Variants in SARDH observed in about 807,000 individuals in gnomAD.
SARDH encodes the protein sarcosine dehydrogenase, also known as sarcosine dehydrogenase, mitochondrial.
SARDH carries 95 observed loss-of-function variants against 109.1 expected under a neutral mutation model. The observed-to-expected ratio is 0.87, with a 90% CI of 0.74 to 1.03. The LOEUF (loss-of-function observed/expected upper bound fraction) is 1.03, where lower values mean the gene tolerates loss of function less well. Among genes scored for constraint, SARDH ranks in the 50% least tolerant of loss-of-function variants. The pLI is 0.00. For missense variants in SARDH, 1,267 were observed against 1,287.8 expected (o/e 0.98, Z 0.25); for synonymous variants, 572 against 534.8 (o/e 1.07, Z -0.96).
At chr9:133,717,223 GT>G in intron 8 of SARDH, 102 bp downstream of exon 8, 1 of 1,447,762 alleles carries the variant, frequency 6.9e-7, no homozygotes, top group Non-Finnish European at 9.5e-7. Flanking sequence ...ACAGCCCTGG[GT>G]CCCCTGTGTG....
chr9:133,718,397 C>A lies in SARDH; in HGVS notation c.1020+541G>T. The A allele has an allele frequency of 2.5e-6, 1 of 405,932 alleles. No homozygotes were observed. The highest frequency in any genetic ancestry group is 4.4e-6 in the Non-Finnish European group (1 of 225,200). The allele number at this position is 405,932 out of a possible 1,614,324, so 25.1% of individuals were successfully genotyped here. On this transcript the variant is annotated intron_variant, in intron 7 of 20. Transcript: ENST00000439388. The surrounding 1 kb of genome is among the most constrained non-coding windows in gnomAD (Gnocchi z 4.2). Reference sequence around the variant, plus strand: ...ATTTGTTTGTTTATTGTATGTCTCTCCACCAAAATATAGGCACCCAGAGTC... The same window carrying A: ...ATTTGTTTGTTTATTGTATGTCTCTACACCAAAATATAGGCACCCAGAGTC...
At chr9:133,735,498 G>A (rs1012952357) in intron 1 of SARDH, among the ~76,000 whole-genome samples, 18 of 152,222 alleles carry the variant, frequency 1.2e-4, no homozygotes, top group African/African-American at 4.1e-4. Context: ...GGGTGCAGGC[G>A]AGGCAGGACA....
chr9:133,680,384 G>A (rs545917110), intron 17 of SARDH, among the ~76,000 whole-genome samples: 17 of 152,364 alleles, frequency 1.1e-4, no homozygotes, highest in African/African-American at 4.1e-4. Context: ...CCCCTACAGG[G>A]GGAGCTGGCC....
chr9:133,680,095 T>C (rs529836690), intron 17 of SARDH, among the ~76,000 whole-genome samples: 1 of 152,336 alleles, frequency 6.6e-6, no homozygotes, highest in East Asian at 1.9e-4. Flanking sequence ...AAGATATTAT[T>C]TAGGAGAATA....
chr9:133,697,597 G>C (rs989000698), intron 13 of SARDH, among the ~76,000 whole-genome samples: 6 of 152,194 alleles, frequency 3.9e-5, no homozygotes, highest in African/African-American at 1.4e-4. Context: ...TTTATCCCAG[G>C]AATATGAGGT....
chr9:133,670,206 G>A (rs552777164), intron 19 of SARDH, among the ~76,000 whole-genome samples: 11 of 152,156 alleles, frequency 7.2e-5, no homozygotes, highest in Admixed American at 2.0e-4. Flanking sequence ...GTGCACGCCT[G>A]TAATCCCAGC....
rs926270303 is a variant in SARDH, at chr9:133,693,861, G to T, written c.1921+397C>A. 6.6e-6 allele frequency among the ~76,000 whole-genome samples: 1 copy of T among 152,240 alleles called. No homozygotes were observed. The highest frequency in any genetic ancestry group is 1.5e-5 in the Non-Finnish European group (1 of 68,036). On this transcript the variant is annotated intron_variant, in intron 15 of 20. Transcript: ENST00000439388. The surrounding 1 kb of genome is among the most constrained non-coding windows in gnomAD (Gnocchi z 5.6). ...GGGCCTATCCAAGCTCCAGACTAGAGGGTCACACGGGCCTGAGAAGTCAAC... is the reference window on the plus strand; with the variant it reads ...GGGCCTATCCAAGCTCCAGACTAGATGGTCACACGGGCCTGAGAAGTCAAC...
At position 133,692,544 on chromosome 9, in the gene SARDH, A is replaced by T. The variant is rs1418089669; in HGVS notation, c.1921+1714T>A. On this transcript the variant is annotated intron_variant, in intron 15 of 20. Transcript: ENST00000439388. The surrounding 1 kb of genome is among the most constrained non-coding windows in gnomAD (Gnocchi z 5.0). ...CTCAGGCCGGCCCTCTCCTCCAGGAAGCCTTGCTCATCCCGGCTCGGCGGC... is the reference window on the plus strand; with the variant it reads ...CTCAGGCCGGCCCTCTCCTCCAGGATGCCTTGCTCATCCCGGCTCGGCGGC... Among the ~76,000 whole-genome samples the T allele has an allele frequency of 1.3e-5, 2 of 152,274 alleles. No individual in the cohort carries two copies. Among genetic ancestry groups the T allele is most frequent in the East Asian group, 3.9e-4 (2 of 5,178 alleles).
chr9:133,691,654 T>A (rs1052888989), intron 15 of SARDH, among the ~76,000 whole-genome samples: 1 of 152,238 alleles, frequency 6.6e-6, no homozygotes, highest in African/African-American at 2.4e-5. Context: ...AGCTGCTTTG[T>A]ATGCCACCTT....
intron 1 of SARDH, among the ~76,000 whole-genome samples, chr9:133,735,831 G>C (rs1331557345): frequency 6.6e-6 from 1 of 152,164 alleles, no homozygotes; most frequent in Non-Finnish European, 1.5e-5. Context: ...ATCACCTGAG[G>C]TCAGGAGTTT....
rs1831289638 is a variant in SARDH, at chr9:133,696,372, C to T, written c.1669-11G>A. ...GCACTCCTTCTTGATCTGAAAAGTTCCAGACAGGTGGGAATGCCACGGGGG... is the reference window on the plus strand; with the variant it reads ...GCACTCCTTCTTGATCTGAAAAGTTTCAGACAGGTGGGAATGCCACGGGGG... On this transcript the variant is annotated splice_polypyrimidine_tract_variant and intron_variant, in intron 13 of 20. Transcript: ENST00000439388. 3 of 1,613,838 alleles carry T rather than the reference C, an allele frequency of 1.9e-6. No homozygotes were observed. Among genetic ancestry groups the T allele is most frequent in the Non-Finnish European group, 2.5e-6 (3 of 1,180,026 alleles).
At chr9:133,720,550 G>A (rs1185022477) in intron 6 of SARDH, among the ~76,000 whole-genome samples, 1 of 152,256 alleles carries the variant, frequency 6.6e-6, no homozygotes, top group African/African-American at 2.4e-5. Flanking sequence ...CAGGAAAGAG[G>A]TTTAATGGAC....
chr9:133,679,586 G>A (rs950857085), intron 17 of SARDH, among the ~76,000 whole-genome samples: 10 of 152,326 alleles, frequency 6.6e-5, no homozygotes, highest in East Asian at 5.8e-4. Flanking sequence ...TGGGAGACAC[G>A]CCGGGAGAGC....
At chr9:133,661,018 C>A (rs936076725), downstream of SARDH, among the ~76,000 whole-genome samples, 3 of 152,038 alleles carry the variant, frequency 2.0e-5, no homozygotes, top group African/African-American at 7.2e-5. Context: ...GCCTGGGCAA[C>A]ATAGTGAAAT....
At position 133,692,719 on chromosome 9, in the gene SARDH, C is replaced by A. The variant is rs1360534189; in HGVS notation, c.1921+1539G>T. 6.6e-6 allele frequency among the ~76,000 whole-genome samples: 1 copy of A among 152,192 alleles called. No homozygotes were observed. Among genetic ancestry groups the A allele is most frequent in the South Asian group, 2.1e-4 (1 of 4,832 alleles). On this transcript the variant is annotated intron_variant, in intron 15 of 20. Coordinates refer to ENST00000439388, the MANE Select transcript of SARDH (RefSeq NM_001134707.2). The surrounding 1 kb of genome is among the most constrained non-coding windows in gnomAD (Gnocchi z 5.0). ...CCGGCCTCCTTCACCTCCTCCCGACCCTGGCTACCTGGTGCTTCCACACAG... is the reference window on the plus strand; with the variant it reads ...CCGGCCTCCTTCACCTCCTCCCGACACTGGCTACCTGGTGCTTCCACACAG...
chr9:133,684,997 C>T (rs922111256), intron 17 of SARDH, among the ~76,000 whole-genome samples, 196 bp downstream of exon 17: 3 of 152,220 alleles, frequency 2.0e-5, no homozygotes, highest in Non-Finnish European at 4.4e-5. Context: ...TGACTTTGAT[C>T]CACATGACCT....
intron 6 of SARDH, among the ~76,000 whole-genome samples, chr9:133,719,474 G>A (rs575820574): frequency 1.3e-5 from 2 of 152,272 alleles, no homozygotes; most frequent in South Asian, 4.1e-4. Flanking sequence ...ACTGAGCAAG[G>A]CAAGCCAGTG....
At chr9:133,660,146 G>A (rs879731312), downstream of SARDH, among the ~76,000 whole-genome samples, 28 of 140,298 alleles carry the variant, frequency 2.0e-4, no homozygotes, top group Non-Finnish European at 3.9e-4. Context: ...CCCCTACCCC[G>A]CTCCAGCAGT....
intron 11 of SARDH, among the ~76,000 whole-genome samples, chr9:133,706,334 A>G (rs753071230): frequency 6.6e-6 from 1 of 152,228 alleles, no homozygotes; most frequent in African/African-American, 2.4e-5. Context: ...AAAACATGCT[A>G]CAGGAATGAA....
Sources: allele counts gnomAD v4.1 joint callset (sites outside exome capture counted in the v4.1 genomes callset), GRCh38; gene constraint gnomAD v4.1.1; non-coding constraint Gnocchi (gnomAD v3.1); transcripts MANE v1.5; gene names NCBI Gene and HGNC (gene_info 2026-07-23, HGNC 2026-07-21).